The following LDLRAD4 variants were observed in gnomAD, a reference collection of about 807,000 sequenced individuals.
LDLRAD4 encodes the protein low-density lipoprotein receptor class A domain-containing protein 4.
In LDLRAD4, 5 loss-of-function variants were observed where a neutral mutation model predicts 17.0. The ratio of observed to expected loss-of-function variants is 0.29; its 90% CI spans 0.15 to 0.62. The LOEUF (loss-of-function observed/expected upper bound fraction) is 0.62. Among genes scored for constraint, LDLRAD4 ranks in the 20% least tolerant of loss-of-function variants. The pLI is 0.84. For synonymous variants in LDLRAD4, 168 were observed against 171.8 expected (o/e 0.98, Z 0.17); for missense variants, 340 against 424.7 (o/e 0.80, Z 1.75).
At position 13,313,370 on chromosome 18, in the gene LDLRAD4, CA is replaced by C. The variant is rs147162560; in HGVS notation, c.-383+35183del. 8.8e-3 allele frequency among the ~76,000 whole-genome samples: 1,335 copies of C among 152,286 alleles called. 19 individuals carry two copies. The highest frequency in any genetic ancestry group is 0.03 in the African/African-American group (1,247 of 41,558). On this transcript the variant is annotated intron_variant, in intron 1 of 5. Transcript: ENST00000359446. ...AGAAACCAATTCCTTCCCCACAGCC[CA>C]CTCACACAGAGCACACTAAGTTTTC...
intron 3 of LDLRAD4, among the ~76,000 whole-genome samples, chr18:13,455,347 G>A (rs12961277): frequency 0.081 from 12,371 of 152,294 alleles, 907 homozygotes; most frequent in African/African-American, 0.2. Context: ...TTGACAAAAC[G>A]TGATGGCTTG....
chr18:13,602,290 C>T (rs1301317181), intron 3 of LDLRAD4, among the ~76,000 whole-genome samples: 1 of 152,150 alleles, frequency 6.6e-6, no homozygotes, highest in Non-Finnish European at 1.5e-5. Flanking sequence ...CAAACCTGCA[C>T]ATGTACCCCC....
chr18:13,569,259 C>T (rs1051726078), intron 3 of LDLRAD4, among the ~76,000 whole-genome samples: 2 of 150,134 alleles, frequency 1.3e-5, no homozygotes, highest in Admixed American at 6.7e-5. Flanking sequence ...CTCCCAGGGC[C>T]GCCCCATCCT....
At chr18:13,266,738 C>T (rs557558040) in intron 1 of LDLRAD4, among the ~76,000 whole-genome samples, 14 of 152,362 alleles carry the variant, frequency 9.2e-5, no homozygotes, top group Non-Finnish European at 1.8e-4. Flanking sequence ...TGGCCAGACC[C>T]GTGGGCAGAT....
chr18:13,402,159 C>T (rs1157580119), intron 2 of LDLRAD4, among the ~76,000 whole-genome samples: 3 of 152,214 alleles, frequency 2.0e-5, no homozygotes, highest in Non-Finnish European at 4.4e-5. Context: ...CTTTTCCCTT[C>T]TTTTCCAACA....
intron 3 of LDLRAD4, among the ~76,000 whole-genome samples, chr18:13,480,994 C>G (rs1324833264): frequency 6.6e-6 from 1 of 152,152 alleles, no homozygotes; most frequent in Admixed American, 6.5e-5. Flanking sequence ...CTGGCCTGAT[C>G]GTTGTCTTCC....
At chr18:13,501,282 A>G (rs1276039530) in intron 3 of LDLRAD4, 1 of 152,198 alleles carries the variant, frequency 6.6e-6, no homozygotes, top group African/African-American at 2.4e-5. Flanking sequence ...TGGCAGTAGC[A>G]TCAAATGAAT....
chr18:13,307,161 C>CA lies in LDLRAD4; in HGVS notation c.-383+28979dup, dbSNP rs569105934. Among the ~76,000 whole-genome samples the CA allele has an allele frequency of 9.9e-5, 15 of 152,008 alleles. No homozygotes were observed. In the South Asian group the frequency reaches 3.1e-3, roughly 32 times the overall value. On this transcript the variant is annotated intron_variant, in intron 1 of 5. Coordinates refer to ENST00000359446, the Ensembl canonical transcript of LDLRAD4. Reference sequence around the variant, plus strand: ...AGAAACACTTAGATAAATGAAAAAGCAAAAAAGGCAGATGGAAATTGCAGT... The same window carrying CA: ...AGAAACACTTAGATAAATGAAAAAGCAAAAAAAGGCAGATGGAAATTGCAGT...
intron 3 of LDLRAD4, among the ~76,000 whole-genome samples, chr18:13,469,437 G>C (rs1215186712): frequency 6.6e-6 from 1 of 152,168 alleles, no homozygotes; most frequent in South Asian, 2.1e-4. Flanking sequence ...TGTACCCACT[G>C]TTCATTACAG....
chr18:13,361,942 G>A (rs1313548568), intron 1 of LDLRAD4, among the ~76,000 whole-genome samples: 1 of 152,100 alleles, frequency 6.6e-6, no homozygotes, highest in Non-Finnish European at 1.5e-5. Context: ...GAGCGTACTT[G>A]ACATAGGAGG....
At position 13,311,888 on chromosome 18, in the gene LDLRAD4, G is replaced by C. The variant is rs1401670092; in HGVS notation, c.-383+33700G>C. Reference sequence around the variant, plus strand: ...GCTCTGTTGCCCAGGCTGGAGTGCAGTGGTGCGATCTTGGCTCACTGCAAG... The same window carrying C: ...GCTCTGTTGCCCAGGCTGGAGTGCACTGGTGCGATCTTGGCTCACTGCAAG... On this transcript the variant is annotated intron_variant, in intron 1 of 5. Transcript: ENST00000359446. 2.0e-5 allele frequency among the ~76,000 whole-genome samples: 3 copies of C among 149,636 alleles called. No homozygotes were observed. In the East Asian group the frequency reaches 5.9e-4, roughly 29 times the overall value.
chr18:13,595,067 G>A (rs1162502542), intron 3 of LDLRAD4, among the ~76,000 whole-genome samples: 3 of 151,904 alleles, frequency 2.0e-5, no homozygotes, highest in East Asian at 3.8e-4. Context: ...TTTTATCATT[G>A]TAAGGCTGAT....
At chr18:13,446,661 C>G (rs1030039557) in intron 3 of LDLRAD4, among the ~76,000 whole-genome samples, 1 of 152,190 alleles carries the variant, frequency 6.6e-6, no homozygotes. Context: ...ACTGTCTTGT[C>G]AGGAGGATGG....
intron 4 of LDLRAD4, among the ~76,000 whole-genome samples, chr18:13,637,502 G>C (rs948430832): frequency 2.0e-5 from 3 of 151,728 alleles, no homozygotes; most frequent in Non-Finnish European, 4.4e-5. Flanking sequence ...CACCACCTTT[G>C]GAATACTGTT....
chr18:13,248,119 C>G (rs1362656810), intron 1 of LDLRAD4, among the ~76,000 whole-genome samples: 2 of 151,950 alleles, frequency 1.3e-5, no homozygotes, highest in Admixed American at 1.3e-4. Flanking sequence ...TGCCACCATG[C>G]CTGGCTAATT....
chr18:13,450,629 G>A (rs1170002087), intron 3 of LDLRAD4, among the ~76,000 whole-genome samples: 1 of 152,238 alleles, frequency 6.6e-6, no homozygotes, highest in Admixed American at 6.5e-5. Context: ...CAGTGTGTGT[G>A]AGACGGAGGC....
intron 3 of LDLRAD4, among the ~76,000 whole-genome samples, chr18:13,483,218 G>C (rs1448552783): frequency 6.6e-6 from 1 of 152,070 alleles, no homozygotes. Flanking sequence ...AGAATATATT[G>C]AGCCCCAGTC....
At chr18:13,566,258 T>C (rs1028885252) in intron 3 of LDLRAD4, among the ~76,000 whole-genome samples, 10 of 152,160 alleles carry the variant, frequency 6.6e-5, no homozygotes, top group African/African-American at 2.4e-4. Context: ...TGGCTCCTGT[T>C]CCTGTCTCTG....
In LDLRAD4 at chr18:13,365,334, T is replaced by C. The variant is rs184611503; in HGVS notation, c.-382-22007T>C. Among the ~76,000 whole-genome samples the C allele has an allele frequency of 2.2e-3, 334 of 152,316 alleles. 2 individuals carry two copies. The highest frequency in any genetic ancestry group is 7.7e-3 in the African/African-American group (318 of 41,564). ...CTTCTCGCAGAGATGCTGGGAAAAC[T>C]TGGCTTCCCTCATGTGTATTCATTA... On this transcript the variant is annotated intron_variant, in intron 1 of 5. Transcript: ENST00000359446.
Sources: gnomAD v4.1 joint callset for allele counts (sites outside exome capture counted in the v4.1 genomes callset) on GRCh38, gnomAD v4.1.1 for gene constraint, MANE v1.5 for transcripts, NCBI Gene and HGNC (gene_info 2026-07-23, HGNC 2026-07-21) for gene names.